The following SAXO1 variants were observed in gnomAD, a reference collection of about 807,000 sequenced individuals.
SAXO1 encodes the protein stabilizer of axonemal microtubules 1, also known as 4930500O09Rik.
SAXO1 carries 21 observed loss-of-function variants against 17.5 expected under a neutral mutation model. The observed-to-expected ratio is 1.20, with a 90% CI of 0.85 to 1.72. SAXO1 has a LOEUF of 1.72. Ranked by LOEUF, SAXO1 falls within the 40% of genes most tolerant of loss-of-function variation. The pLI is 0.00. For synonymous variants in SAXO1, 274 were observed against 216.5 expected, an observed-to-expected ratio of 1.27 and a Z score of -2.33; for missense variants, 843 against 596.0, an observed-to-expected ratio of 1.41 and a Z score of -4.32.
chr9:18,992,089 C>G (rs1833836729), intron 1 of SAXO1, among the ~76,000 whole-genome samples: 1 of 152,150 alleles, frequency 6.6e-6, no homozygotes, highest in Non-Finnish European at 1.5e-5. Context: ...TCACAACATC[C>G]CATTCTATAG....
chr9:18,946,597 C>T (rs1315592568), intron 2 of SAXO1, among the ~76,000 whole-genome samples: 1 of 151,738 alleles, frequency 6.6e-6, no homozygotes, highest in Non-Finnish European at 1.5e-5. Context: ...AATGTAGCAA[C>T]ATTCTCACTG....
chr9:18,947,483 T>C (rs1053797501), intron 2 of SAXO1, among the ~76,000 whole-genome samples: 1 of 152,160 alleles, frequency 6.6e-6, no homozygotes, highest in African/African-American at 2.4e-5. Flanking sequence ...TGTGCCTCCA[T>C]TCCACTCTAC....
At chr9:18,985,683 C>T (rs906944596) in intron 1 of SAXO1, among the ~76,000 whole-genome samples, 22 of 152,198 alleles carry the variant, frequency 1.4e-4, no homozygotes, top group African/African-American at 5.1e-4. Flanking sequence ...GCACGCAGAG[C>T]CACCACTCCG....
intron 1 of SAXO1, chr9:19,027,484 T>G: frequency 1.2e-6 from 1 of 808,306 alleles, no homozygotes; most frequent in Non-Finnish European, 2.2e-6. Flanking sequence ...GTTTGAGAAC[T>G]TGCGGATCCA....
chr9:18,964,509 A>G (rs1016093812), intron 1 of SAXO1, among the ~76,000 whole-genome samples: 1 of 152,170 alleles, frequency 6.6e-6, no homozygotes, highest in Non-Finnish European at 1.5e-5. Flanking sequence ...AGGAGAATGT[A>G]TGTTTCCAGG....
At chr9:18,958,571 G>C (rs537282043) in intron 1 of SAXO1, among the ~76,000 whole-genome samples, 17 of 152,140 alleles carry the variant, frequency 1.1e-4, no homozygotes, top group Non-Finnish European at 2.2e-4. Flanking sequence ...ATAACAAAGA[G>C]ATGCAAATGA....
chr9:19,043,530 G>T (rs575513345), intron 1 of SAXO1, among the ~76,000 whole-genome samples: 16 of 152,194 alleles, frequency 1.1e-4, no homozygotes, highest in African/African-American at 3.4e-4. Context: ...ACTTTGGGAG[G>T]CCAAGGCGGG....
intron 1 of SAXO1, among the ~76,000 whole-genome samples, chr9:18,958,226 C>A (rs1267311665): frequency 6.6e-6 from 1 of 152,114 alleles, no homozygotes; most frequent in Non-Finnish European, 1.5e-5. Context: ...GGGTTCGAGA[C>A]TAGCTTGGCC....
At chr9:19,023,157 G>A (rs963968265) in intron 1 of SAXO1, among the ~76,000 whole-genome samples, 6 of 30,974 alleles carry the variant, frequency 1.9e-4, no homozygotes, top group East Asian at 1.5e-3. Context: ...CCACCCCCCC[G>A]CCCCACCGGA....
chr9:18,977,128 T>A (rs4977273), intron 1 of SAXO1, among the ~76,000 whole-genome samples: 105,483 of 152,084 alleles, frequency 0.69, 37,273 homozygotes, highest in Non-Finnish European at 0.78. Context: ...GTGGTTGCCT[T>A]CTCTTATAAA....
intron 1 of SAXO1, among the ~76,000 whole-genome samples, chr9:18,991,075 T>C (rs980115158): frequency 5.3e-5 from 8 of 152,116 alleles, no homozygotes; most frequent in African/African-American, 1.7e-4. Flanking sequence ...CTGGCCAACA[T>C]AGTGAAACCC....
intron 1 of SAXO1, among the ~76,000 whole-genome samples, chr9:19,017,040 G>C (rs946012690): frequency 6.6e-6 from 1 of 152,040 alleles, no homozygotes; most frequent in Non-Finnish European, 1.5e-5. Flanking sequence ...CTGGCATGGT[G>C]GCTCATGCCT....
At chr9:19,031,848 T>C (rs1421020017) in intron 1 of SAXO1, among the ~76,000 whole-genome samples, 2 of 152,208 alleles carry the variant, frequency 1.3e-5, no homozygotes, top group East Asian at 3.9e-4. Flanking sequence ...CATTTATTGA[T>C]GCCAGAGATA....
In SAXO1 at chr9:19,019,888, C is replaced by T. The variant is rs569067731; in HGVS notation, c.38+12983G>A. On this transcript the variant is annotated intron_variant, in intron 1 of 3. Coordinates refer to ENST00000380534, the MANE Select transcript of SAXO1 (RefSeq NM_153707.4). ...TGAACAACCCAGAACAAGTAAAAGC[C>T]CTCTTCTGTAAACTACAGCATTCAA... Among the ~76,000 whole-genome samples the T allele has an allele frequency of 3.9e-5, 6 of 152,168 alleles. No homozygotes were observed. The East Asian group carries it at 1.2e-3, about 29-fold the overall frequency.
At chr9:18,983,689 G>A (rs1263051582) in intron 1 of SAXO1, among the ~76,000 whole-genome samples, 3 of 152,196 alleles carry the variant, frequency 2.0e-5, no homozygotes, top group Admixed American at 6.5e-5. Context: ...CACAACTGCA[G>A]TGACTTCCTC....
At chr9:18,954,918 T>A (rs200407772) in intron 1 of SAXO1, among the ~76,000 whole-genome samples, 32 of 74,544 alleles carry the variant, frequency 4.3e-4, no homozygotes, top group African/African-American at 1.0e-3. Context: ...GAAAAAAAAG[T>A]TAAAAAAAAA....
intron 3 of SAXO1, among the ~76,000 whole-genome samples, chr9:18,939,696 C>T (rs781643956): frequency 7.2e-5 from 11 of 152,180 alleles, no homozygotes; most frequent in Non-Finnish European, 1.5e-5. Context: ...GACACCAGGA[C>T]TTCCAAGGCA....
At chr9:18,966,297 T>C (rs370881054) in intron 1 of SAXO1, among the ~76,000 whole-genome samples, 7 of 152,318 alleles carry the variant, frequency 4.6e-5, no homozygotes, top group African/African-American at 1.4e-4. Context: ...TCCTTCCAGG[T>C]TGGGGAAGTT....
At chr9:18,933,823 G>GA (rs1831160300) in intron 3 of SAXO1, among the ~76,000 whole-genome samples, 1 of 152,172 alleles carries the variant, frequency 6.6e-6, no homozygotes, top group Non-Finnish European at 1.5e-5. Context: ...AAGGTGGGCT[G>GA]ATCACGAGGT....
Sources: allele counts gnomAD v4.1 joint callset (sites outside exome capture counted in the v4.1 genomes callset), GRCh38; gene constraint gnomAD v4.1.1; transcripts MANE v1.5; gene names NCBI Gene and HGNC (gene_info 2026-07-23, HGNC 2026-07-21).